Variants in BAIAP2L1 observed in about 807,000 individuals in gnomAD.
BAIAP2L1 encodes BAR/IMD domain containing adaptor protein 2 like 1.
BAIAP2L1 carries 35 observed loss-of-function variants against 66.3 expected under a neutral mutation model. The observed-to-expected ratio is 0.53, with a 90% CI of 0.40 to 0.70. The LOEUF is 0.70. BAIAP2L1 is among the 30% of genes least tolerant of loss of function. The pLI is 0.00. For synonymous variants in BAIAP2L1, 269 were observed against 248.7 expected, an observed-to-expected ratio of 1.08 and a Z score of -0.77; for missense variants, 622 against 656.9, an observed-to-expected ratio of 0.95 and a Z score of 0.58.
rs200664023 is a variant in BAIAP2L1, at chr7:98,293,564, C to T, written c.1493G>A (p.Arg498His). Residue 498 changes from arginine (R) to histidine (H), a missense_variant, in exon 14 of 14, where the codon CGC becomes CAC. Physicochemically the swap from Arg to His is conservative, Grantham distance 29. Transcript: ENST00000005260. ...GENPFATVKLRPTVTNDRSAP... is the reference protein window; with the variant it reads ...GENPFATVKLHPTVTNDRSAP... ...CGAGCGATCATTCGTCACAGTCGGG[C>T]GGAGTTTCACAGTGGCAAAGGGGTT... The T allele has an allele frequency of 9.5e-5, 153 of 1,613,654 alleles. No individual in the cohort carries two copies. The highest frequency in any genetic ancestry group is 6.6e-5 in the South Asian group (6 of 91,058).
intron 12 of BAIAP2L1, among the ~76,000 whole-genome samples, chr7:98,296,356 T>G (rs2116790919): frequency 6.6e-6 from 1 of 152,346 alleles, no homozygotes; most frequent in Non-Finnish European, 1.5e-5. Context: ...CCAGGGACAG[T>G]GGCTCATGCC....
chr7:98,315,783 G>T (rs919252728), intron 6 of BAIAP2L1, among the ~76,000 whole-genome samples, 171 bp from the exon 7 acceptor site: 1 of 152,136 alleles, frequency 6.6e-6, no homozygotes, highest in African/African-American at 2.4e-5. Context: ...AGATACCATC[G>T]TTCTCCTTGA....
At chr7:98,389,353 C>T (rs1427820028) in intron 1 of BAIAP2L1, among the ~76,000 whole-genome samples, 1 of 152,086 alleles carries the variant, frequency 6.6e-6, no homozygotes, top group Non-Finnish European at 1.5e-5. Context: ...GAGTCTCACT[C>T]TGTCACCCAG....
chr7:98,371,751 G>C (rs898379143), intron 1 of BAIAP2L1, among the ~76,000 whole-genome samples: 1 of 151,818 alleles, frequency 6.6e-6, no homozygotes, highest in Non-Finnish European at 1.5e-5. Flanking sequence ...AGCCAGATAA[G>C]CTGAGTGGAC....
At chr7:98,348,491 C>T (rs903889956) in intron 3 of BAIAP2L1, among the ~76,000 whole-genome samples, 8 of 148,928 alleles carry the variant, frequency 5.4e-5, no homozygotes, top group South Asian at 4.3e-4. Flanking sequence ...CGCTTGAACC[C>T]GGGAAGCAGA....
chr7:98,368,869 C>T (rs1193657842), intron 1 of BAIAP2L1, among the ~76,000 whole-genome samples: 1 of 151,384 alleles, frequency 6.6e-6, no homozygotes, highest in East Asian at 1.9e-4. Flanking sequence ...TATCCACATA[C>T]TTGTTGAAGA....
rs974507882 is a variant in BAIAP2L1, at chr7:98,291,938, G to T, written c.*1583C>A. ...GGGCTCCCTGAGCCCTGTGGCTGAA[G>T]TGGGGAACACGGCCATGGGGCTTGT... On this transcript the variant is annotated 3_prime_UTR_variant, in exon 14 of 14. Transcript: ENST00000005260. 2.6e-5 allele frequency: 4 copies of T among 152,926 alleles called. No individual in the cohort carries two copies. Among genetic ancestry groups the T allele is most frequent in the Non-Finnish European group, 5.8e-5 (4 of 68,588 alleles). The allele number at this position is 152,926 out of a possible 1,614,324, so 9.5% of individuals were successfully genotyped here.
chr7:98,308,673 T>G, intron 9 of BAIAP2L1: 1 of 231,642 alleles, frequency 4.3e-6, no homozygotes. Context: ...AAAAAATATA[T>G]ATATATGTAT....
chr7:98,310,628 A>G, intron 8 of BAIAP2L1, 36 bp from the exon 9 acceptor site: 1 of 1,478,876 alleles, frequency 6.8e-7, no homozygotes, highest in Non-Finnish European at 9.0e-7. Flanking sequence ...ATATTAGTAT[A>G]GTGCAGAACC....
At chr7:98,294,314 G>A (rs914287237) in intron 12 of BAIAP2L1, among the ~76,000 whole-genome samples, 2 of 152,176 alleles carry the variant, frequency 1.3e-5, no homozygotes, top group Admixed American at 1.3e-4. Flanking sequence ...TTTTTAATAA[G>A]ACCCGAAGGT....
At chr7:98,295,108 A>G (rs1001571258) in intron 12 of BAIAP2L1, among the ~76,000 whole-genome samples, 2 of 152,158 alleles carry the variant, frequency 1.3e-5, no homozygotes, top group African/African-American at 4.8e-5. Flanking sequence ...GAGCACGCAG[A>G]CCTCTCAAGA....
chr7:98,380,424 G>A (rs1159738929), intron 1 of BAIAP2L1, among the ~76,000 whole-genome samples: 5 of 151,972 alleles, frequency 3.3e-5, no homozygotes, highest in Non-Finnish European at 5.9e-5. Context: ...CTAACATGGC[G>A]GCAGGAAGAG....
chr7:98,363,223 C>CG (rs1222944066), intron 1 of BAIAP2L1, among the ~76,000 whole-genome samples: 1 of 151,762 alleles, frequency 6.6e-6, no homozygotes, highest in East Asian at 1.9e-4. Context: ...TTAGTAGAGG[C>CG]GGGGTTTCAC....
intron 12 of BAIAP2L1, among the ~76,000 whole-genome samples, chr7:98,298,042 G>A (rs1044741549): frequency 1.3e-5 from 2 of 151,728 alleles, no homozygotes; most frequent in Admixed American, 6.6e-5. Flanking sequence ...ACCAGCCTGG[G>A]CAACATAACA....
intron 1 of BAIAP2L1, among the ~76,000 whole-genome samples, chr7:98,379,141 A>T (rs994249536): frequency 9.2e-5 from 14 of 151,832 alleles, no homozygotes; most frequent in African/African-American, 3.4e-4. Flanking sequence ...AGCCTCCCAA[A>T]GTGCTGGGAT....
At chr7:98,397,318 C>CT (rs36101597) in intron 1 of BAIAP2L1, among the ~76,000 whole-genome samples, 2,737 of 74,204 alleles carry the variant, frequency 0.037, 42 homozygotes, top group African/African-American at 0.042. Context: ...TTCTTAAGCC[C>CT]TTTTTTTTTT....
At chr7:98,333,312 A>C (rs772892484) in intron 3 of BAIAP2L1, among the ~76,000 whole-genome samples, 10 of 152,142 alleles carry the variant, frequency 6.6e-5, no homozygotes, top group Non-Finnish European at 1.5e-4. Flanking sequence ...AAATGAGCAC[A>C]CTGGGCCAGG....
intron 1 of BAIAP2L1, among the ~76,000 whole-genome samples, chr7:98,371,197 T>C (rs1423197726): frequency 6.6e-6 from 1 of 152,176 alleles, no homozygotes; most frequent in Non-Finnish European, 1.5e-5. Context: ...CAAGCAGCAC[T>C]GTTACTAAGA....
chr7:98,322,584 G>T (rs1051539417), intron 3 of BAIAP2L1, among the ~76,000 whole-genome samples: 1 of 152,146 alleles, frequency 6.6e-6, no homozygotes, highest in African/African-American at 2.4e-5. Flanking sequence ...GAGAAGGCAT[G>T]GGGCATGGCG....
Sources: gnomAD v4.1 joint callset for allele counts (sites outside exome capture counted in the v4.1 genomes callset) on GRCh38, gnomAD v4.1.1 for gene constraint, MANE v1.5 for transcripts, NCBI Gene and HGNC (gene_info 2026-07-23, HGNC 2026-07-21) for gene names.